NUAK1: variants seen among roughly 807,000 people sequenced by gnomAD.
NUAK1 encodes NUAK family SNF1-like kinase 1.
In NUAK1, 26 loss-of-function variants were observed where a neutral mutation model predicts 56.9. That is an observed-to-expected ratio of 0.46 (90% CI 0.33 to 0.63). NUAK1 has a LOEUF of 0.63. NUAK1 is among the 30% of genes least tolerant of loss of function. NUAK1 has a pLI of 0.02. For synonymous variants in NUAK1, 337 were observed against 336.0 expected (o/e 1.00, Z -0.03); for missense variants, 727 against 876.1 (o/e 0.83, Z 2.15).
At chr12:106,087,036 A>G in intron 2 of NUAK1, 151 bp from the exon 3 acceptor site, 1 of 930,328 alleles carries the variant, frequency 1.1e-6, no homozygotes, top group Non-Finnish European at 1.6e-6. Context: ...CAGCATCACG[A>G]GGCGTGGGGC....
In NUAK1 at chr12:106,067,174, T is replaced by G. The variant is rs907328779; in HGVS notation, c.1614A>C (p.Pro538=). Residue 538 remains proline (P), a synonymous_variant, in exon 7 of 7, where the codon CCA becomes CCC. Coordinates refer to ENST00000261402, the MANE Select transcript of NUAK1 (RefSeq NM_014840.3). This position sits in a 1 kb window ranked among gnomAD's most constrained non-coding sequence, Gnocchi z 6.0. ...TGGGCATTTCAGGGCTGACCAGGGC[T>G]GGGTCCATGGTGCCCGCTGAGTATT... ...SSKYSAGTMD[P]ALVSPEMPTL... is the part of the protein sequence containing the mutation. 6.2e-7 allele frequency: 1 copy of G among 1,614,150 alleles called. No individual in the cohort carries two copies. Among genetic ancestry groups the G allele is most frequent in the Non-Finnish European group, 8.5e-7 (1 of 1,180,004 alleles).
At chr12:106,131,212 T>A (rs550595063) in intron 1 of NUAK1, among the ~76,000 whole-genome samples, 1 of 152,116 alleles carries the variant, frequency 6.6e-6, no homozygotes, top group Non-Finnish European at 1.5e-5. Flanking sequence ...AATTCACATA[T>A]CATATAATTC....
chr12:106,078,426 T>C lies in NUAK1; in HGVS notation c.579+5438A>G, dbSNP rs2136459276. 1.3e-5 allele frequency among the ~76,000 whole-genome samples: 2 copies of C among 152,336 alleles called. 1 individual carries two copies. The highest frequency in any genetic ancestry group is 4.1e-4 in the South Asian group (2 of 4,828). Reference sequence around the variant, plus strand: ...TAAACTGGCTTGCCTGAGACATCGGTGAACAGCTGCCTTAGCTGTAAAGTT... The same window carrying C: ...TAAACTGGCTTGCCTGAGACATCGGCGAACAGCTGCCTTAGCTGTAAAGTT... On this transcript the variant is annotated intron_variant, in intron 4 of 6. Coordinates refer to ENST00000261402, the MANE Select transcript of NUAK1 (RefSeq NM_014840.3).
At position 106,066,568 on chromosome 12, in the gene NUAK1, A is replaced by T. The variant is rs2032340981; in HGVS notation, c.*234T>A. The T allele has an allele frequency of 1.8e-6, 1 of 562,274 alleles. No homozygotes were observed. Among genetic ancestry groups the T allele is most frequent in the Non-Finnish European group, 3.2e-6 (1 of 314,474 alleles). 34.8% of individuals were successfully genotyped at this position (562,274 alleles called of 1,614,324 possible). On this transcript the variant is annotated 3_prime_UTR_variant, in exon 7 of 7. Coordinates refer to ENST00000261402, the MANE Select transcript of NUAK1 (RefSeq NM_014840.3). ...CAGCTGGTCCTCTAGGAGGTGCCAT[A>T]AAGCAAATGCCAAACAGGGCCCAAA...
intron 1 of NUAK1, 41 bp from the exon 2 acceptor site, chr12:106,106,566 C>T (rs78442120): frequency 0.021 from 32,900 of 1,581,864 alleles, 867 homozygotes; most frequent in African/African-American, 0.13. Flanking sequence ...GAGAGCTAAA[C>T]AGATGCAAAT....
intron 1 of NUAK1, among the ~76,000 whole-genome samples, chr12:106,133,596 ATT>A (rs915134899): frequency 1.3e-5 from 2 of 152,166 alleles, no homozygotes; most frequent in African/African-American, 4.8e-5. Flanking sequence ...GGGTCTCACT[ATT>A]TTACACCTCA....
In NUAK1 at chr12:106,070,871, A is replaced by G; in HGVS notation, c.735T>C (p.Thr245=). 6.2e-7 allele frequency: 1 copy of G among 1,614,176 alleles called. No individual in the cohort carries two copies. The highest frequency in any genetic ancestry group is 8.5e-7 in the Non-Finnish European group (1 of 1,180,026). The change falls in exon 6 of 7, where the codon ACT becomes ACC. Residue 245 remains threonine (T), a synonymous_variant. Coordinates refer to ENST00000261402, the MANE Select transcript of NUAK1 (RefSeq NM_014840.3). Reference sequence around the variant, plus strand: ...CGAAGGGCATTGTTCCATAAACAAGAGTGTAAAGCAACACACCCAGGGCCC... The same window carrying G: ...CGAAGGGCATTGTTCCATAAACAAGGGTGTAAAGCAACACACCCAGGGCCC... The part of the protein sequence containing the change: ...DSWALGVLLY[T]LVYGTMPFDG...
At chr12:106,117,590 T>C (rs1423751497) in intron 1 of NUAK1, among the ~76,000 whole-genome samples, 1 of 152,218 alleles carries the variant, frequency 6.6e-6, no homozygotes, top group African/African-American at 2.4e-5. Context: ...ATAGATGTCA[T>C]TTTTATAATA....
chr12:106,070,456 G>A (rs1235762441), intron 6 of NUAK1, among the ~76,000 whole-genome samples: 1 of 152,178 alleles, frequency 6.6e-6, no homozygotes, highest in Non-Finnish European at 1.5e-5. Flanking sequence ...CAGACTGGGA[G>A]AGACCTCATC....
rs1340605537 is a variant in NUAK1, at chr12:106,138,462, G to A, written c.192C>T (p.Gly64=). The A allele has an allele frequency of 6.2e-6, 10 of 1,613,198 alleles. No homozygotes were observed. In the Admixed American group the frequency reaches 1.0e-4, roughly 16 times the overall value. ...RYELQETLGK[G]TYGKVKRATE... Reference sequence around the variant, plus strand: ...TGGCCCGCTTGACTTTGCCGTAGGTGCCTTTGCCCAGGGTCTCCTGCAGCT... The same window carrying A: ...TGGCCCGCTTGACTTTGCCGTAGGTACCTTTGCCCAGGGTCTCCTGCAGCT... Residue 64 remains glycine (G), a synonymous_variant, in exon 1 of 7, where the codon GGC becomes GGT. Transcript: ENST00000261402. This position sits in a 1 kb window ranked among gnomAD's most constrained non-coding sequence, Gnocchi z 5.0.
At chr12:106,115,768 G>A (rs539971054) in intron 1 of NUAK1, among the ~76,000 whole-genome samples, 35 of 152,306 alleles carry the variant, frequency 2.3e-4, no homozygotes, top group Non-Finnish European at 4.3e-4. Flanking sequence ...ATTTCCTGCC[G>A]TCCCATCATG....
rs564377585 is a variant in NUAK1 at position 106,096,095 on chromosome 12, G to C, written c.362-9210C>G. On this transcript the variant is annotated intron_variant, in intron 2 of 6. Coordinates refer to ENST00000261402, the MANE Select transcript of NUAK1 (RefSeq NM_014840.3). ...CAAATGCATGCTGGTGACTGCCTGC[G>C]CAAATTAAGAAAGCTATCCCAGTTC... Among the ~76,000 whole-genome samples, 4 of 152,002 alleles carry C rather than the reference G, an allele frequency of 2.6e-5. No individual in the cohort carries two copies. The East Asian group carries it at 7.7e-4, about 29-fold the overall frequency.
intron 1 of NUAK1, among the ~76,000 whole-genome samples, chr12:106,114,251 A>G (rs1592859610): frequency 6.6e-6 from 1 of 152,138 alleles, no homozygotes; most frequent in Non-Finnish European, 1.5e-5. Flanking sequence ...TTATTTATCA[A>G]CCTCCAAACC....
intron 2 of NUAK1, among the ~76,000 whole-genome samples, chr12:106,091,664 G>A (rs2032637381): frequency 2.0e-5 from 3 of 152,154 alleles, no homozygotes; most frequent in Admixed American, 2.0e-4. Flanking sequence ...ACATCGCCGA[G>A]AACAATCCAA....
chr12:106,126,502 G>A (rs2033026026), intron 1 of NUAK1, among the ~76,000 whole-genome samples: 1 of 152,234 alleles, frequency 6.6e-6, no homozygotes, highest in African/African-American at 2.4e-5. Flanking sequence ...GTTACCTCTG[G>A]GCAAAGTCAG....
chr12:106,129,640 G>A (rs2033057535), intron 1 of NUAK1, among the ~76,000 whole-genome samples: 1 of 152,164 alleles, frequency 6.6e-6, no homozygotes, highest in African/African-American at 2.4e-5. Context: ...AGGATTTTAA[G>A]CATGGAGAGC....
At chr12:106,096,525 G>C (rs1435409411) in intron 2 of NUAK1, among the ~76,000 whole-genome samples, 1 of 152,138 alleles carries the variant, frequency 6.6e-6, no homozygotes, top group Non-Finnish European at 1.5e-5. Flanking sequence ...GACTTCATGT[G>C]GAACGTGTGA....
intron 1 of NUAK1, among the ~76,000 whole-genome samples, chr12:106,120,893 G>A (rs2032967669): frequency 6.6e-6 from 1 of 152,198 alleles, no homozygotes; most frequent in African/African-American, 2.4e-5. Context: ...ACCTTCAGGA[G>A]AGCAGACCCT....
chr12:106,089,937 T>C (rs2032618275), intron 2 of NUAK1, among the ~76,000 whole-genome samples: 2 of 152,170 alleles, frequency 1.3e-5, no homozygotes, highest in African/African-American at 4.8e-5. Flanking sequence ...CAAATGCATA[T>C]TCCATGGAGT....
Sources: gnomAD v4.1 joint callset for allele counts (sites outside exome capture counted in the v4.1 genomes callset) on GRCh38, gnomAD v4.1.1 for gene constraint, Gnocchi (gnomAD v3.1) non-coding constraint, MANE v1.5 for transcripts, NCBI Gene and HGNC (gene_info 2026-07-23, HGNC 2026-07-21) for gene names.